The following RAD17 variants were observed in gnomAD, a reference collection of about 807,000 sequenced individuals.
The protein encoded by RAD17 is cell cycle checkpoint protein RAD17.
RAD17 carries 31 observed loss-of-function variants against 81.5 expected under a neutral mutation model. The observed-to-expected ratio is 0.38, with a 90% confidence interval of 0.29 to 0.51. The LOEUF (loss-of-function observed/expected upper bound fraction) is 0.51. Among genes scored for constraint, RAD17 ranks in the 20% least tolerant of loss-of-function variants. The pLI, the probability that RAD17 is intolerant of heterozygous loss-of-function variation, is 0.88. For synonymous variants in RAD17, 261 were observed against 266.2 expected, an observed-to-expected ratio of 0.98 and a Z score of 0.19; for missense variants, 681 against 781.2, an observed-to-expected ratio of 0.87 and a Z score of 1.53.
chr5:69,408,183 CAG>C (rs1765747684), intron 17 of RAD17, among the ~76,000 whole-genome samples: 1 of 150,880 alleles, frequency 6.6e-6, no homozygotes, highest in Non-Finnish European at 1.5e-5. Context: ...TGTTTCTTTA[CAG>C]TCATAATTTT....
In RAD17 at chr5:69,371,446, C is replaced by A. The variant is rs531345124; in HGVS notation, c.-279-8C>A. 7.1e-5 allele frequency: 37 copies of A among 521,584 alleles called. 4 individuals are homozygous for A. The highest frequency in any genetic ancestry group is 7.2e-4 in the Middle Eastern group (1 of 1,390). 32.3% of individuals were successfully genotyped at this position (521,584 alleles called of 1,614,324 possible). A position where few individuals can be genotyped will look rare whatever the true frequency, so the allele number is the denominator to read the frequency against. On this transcript the variant is annotated splice_polypyrimidine_tract_variant and splice_region_variant and intron_variant, in intron 2 of 18. Coordinates refer to ENST00000354868, the MANE Select transcript of RAD17 (RefSeq NM_133338.3). ...CATTTGAGGGCTTCTTCCCCCCCCC[C>A]CCCCCAGGTGAATTATAGTTTAATG... is the stretch of plus-strand genomic sequence containing the variant.
At chr5:69,377,952 C>T (rs558078394) in intron 6 of RAD17, among the ~76,000 whole-genome samples, 1 of 151,664 alleles carries the variant, frequency 6.6e-6, no homozygotes, top group Non-Finnish European at 1.5e-5. Context: ...GCCACCGCAT[C>T]TGGCTAATTA....
At position 69,373,945 on chromosome 5, in the gene RAD17, C is replaced by G; in HGVS notation, c.125C>G (p.Pro42Arg). 3 of 1,613,054 alleles carry G rather than the reference C, an allele frequency of 1.9e-6. No homozygotes were observed. The highest frequency in any genetic ancestry group is 1.1e-5 in the South Asian group (1 of 91,052). The change falls in exon 5 of 19, where the codon CCT becomes CGT. Residue 42 changes from proline to arginine, a missense_variant. Physicochemically the swap from Pro to Arg is moderately radical, Grantham distance 103. Transcript: ENST00000354868. ...TCAAGTCATAGAAGAAAAAATGGGCCTTCTACATTAGAAAGCAGCAGATTT... is the reference window on the plus strand; with the variant it reads ...TCAAGTCATAGAAGAAAAAATGGGCGTTCTACATTAGAAAGCAGCAGATTT... ...NNSSHRRKNG[P>R]STLESSRFPA... is the part of the protein sequence containing the mutation.
chr5:69,369,976 G>A, intron 1 of RAD17, 43 bp downstream of exon 1: 1 of 500,228 alleles, frequency 2.0e-6, no homozygotes, highest in Non-Finnish European at 3.5e-6. Context: ...ATATGTCTTA[G>A]AGACGTGAGT....
rs904856467 is a variant in RAD17 at position 69,414,532 on chromosome 5, C to T, written c.*240C>T. 4 of 573,832 alleles carry T rather than the reference C, an allele frequency of 7.0e-6. No homozygotes were observed. Among genetic ancestry groups the T allele is most frequent in the African/African-American group, 3.7e-5 (2 of 53,452 alleles). 35.5% of individuals were successfully genotyped at this position (573,832 alleles called of 1,614,324 possible). ...TTAAATCTGTGAGTGGTTTAAGGAG[C>T]GGTCAGTGTGTATAAAGTGTGTTTG... On this transcript the variant is annotated 3_prime_UTR_variant, in exon 19 of 19. Transcript: ENST00000354868.
At chr5:69,382,573 A>G (rs1301390279) in intron 7 of RAD17, among the ~76,000 whole-genome samples, 6 of 152,168 alleles carry the variant, frequency 3.9e-5, no homozygotes, top group Non-Finnish European at 8.8e-5. Flanking sequence ...TGCATTATTT[A>G]TCTGCTTTTT....
chr5:69,405,206 TAAA>T (rs1257085851), intron 17 of RAD17, among the ~76,000 whole-genome samples: 4 of 151,692 alleles, frequency 2.6e-5, no homozygotes, highest in Non-Finnish European at 4.4e-5. Context: ...GGAGGTTCCT[TAAA>T]AAACTGAAAA....
chr5:69,369,380 C>A (rs917480036), upstream of RAD17: 106 of 1,523,264 alleles, frequency 7.0e-5, no homozygotes, highest in African/African-American at 1.3e-3. Context: ...CAGTGAGGGG[C>A]CCCCACCTGG....
chr5:69,373,548 C>CA (rs556497654), intron 4 of RAD17, among the ~76,000 whole-genome samples: 114 of 151,934 alleles, frequency 7.5e-4, no homozygotes, highest in African/African-American at 2.6e-3. Context: ...ACAAAAAATA[C>CA]AAAAAAATTA....
chr5:69,404,948 A>G (rs1765498223), intron 17 of RAD17, among the ~76,000 whole-genome samples: 1 of 152,152 alleles, frequency 6.6e-6, no homozygotes, highest in Admixed American at 6.6e-5. Context: ...TCAAAAGGCA[A>G]AGGACCAGAT....
Position 69,371,459 on chromosome 5 carries a change from T to A in RAD17, c.-274T>A. The A allele has an allele frequency of 1.5e-6, 1 of 653,000 alleles. No homozygotes were observed. The highest frequency in any genetic ancestry group is 2.6e-5 in the South Asian group (1 of 37,888). 40.5% of individuals were successfully genotyped at this position (653,000 alleles called of 1,614,324 possible). A position where few individuals can be genotyped will look rare whatever the true frequency, so the allele number is the denominator to read the frequency against. ...CTTCCCCCCCCCCCCCCCAGGTGAA[T>A]TATAGTTTAATGTACTGCAAGTCCT... On this transcript the variant is annotated 5_prime_UTR_variant, in exon 3 of 19. Transcript: ENST00000354868.
At chr5:69,369,588 C>G (rs1762778466), upstream of RAD17, 1 of 1,599,828 alleles carries the variant, frequency 6.3e-7, no homozygotes, top group Non-Finnish European at 8.5e-7. Context: ...CCCACGGCCC[C>G]AAAGGCCCCG....
At chr5:69,412,150 GT>G (rs1766049449) in intron 18 of RAD17, among the ~76,000 whole-genome samples, 1 of 152,000 alleles carries the variant, frequency 6.6e-6, no homozygotes, top group South Asian at 2.1e-4. Flanking sequence ...TAGAGACAGG[GT>G]TTCACTGTGT....
chr5:69,408,096 GTTAAAT>G (rs1488604970), intron 17 of RAD17, among the ~76,000 whole-genome samples: 1 of 152,014 alleles, frequency 6.6e-6, no homozygotes, highest in African/African-American at 2.4e-5. Flanking sequence ...GTCTTTTTCT[GTTAAAT>G]TTAATGTGTG....
At chr5:69,374,890 C>G (rs1763242154) in intron 6 of RAD17, among the ~76,000 whole-genome samples, 179 bp downstream of exon 6, 1 of 152,158 alleles carries the variant, frequency 6.6e-6, no homozygotes, top group South Asian at 2.1e-4. Flanking sequence ...CTTTGGGAGG[C>G]CAAGGCAGGA....
At chr5:69,385,515 T>C (rs1764158208) in intron 8 of RAD17, among the ~76,000 whole-genome samples, 1 of 151,266 alleles carries the variant, frequency 6.6e-6, no homozygotes, top group East Asian at 2.0e-4. Flanking sequence ...AAGGTAATCC[T>C]CCCGCCTTGG....
At chr5:69,413,626 C>T (rs1766169789) in intron 18 of RAD17, among the ~76,000 whole-genome samples, 1 of 152,108 alleles carries the variant, frequency 6.6e-6, no homozygotes, top group Non-Finnish European at 1.5e-5. Context: ...CTTCTGCCTC[C>T]TGGGTTCAAA....
In RAD17 at chr5:69,393,373, A is replaced by G; in HGVS notation, c.1295A>G (p.His432Arg). 6.3e-7 allele frequency: 1 copy of G among 1,593,504 alleles called. No individual in the cohort carries two copies. Among genetic ancestry groups the G allele is most frequent in the Non-Finnish European group, 8.5e-7 (1 of 1,170,442 alleles). Residue 432 changes from histidine (H) to arginine (R), a missense_variant, in exon 15 of 19, where the codon CAC becomes CGC. His to Arg is a conservative substitution (Grantham distance 29). Coordinates refer to ENST00000354868, the MANE Select transcript of RAD17 (RefSeq NM_133338.3). ...TTATAGGAGGTAGTAGAAATGTCAC[A>G]CATGCCTGGAGACTTATTTAATTTA... The part of the protein sequence containing the change: ...VEPEEVVEMS[H>R]MPGDLFNLYL...
intron 6 of RAD17, among the ~76,000 whole-genome samples, chr5:69,377,457 A>ACATG (rs1763435529): frequency 1.0e-4 from 1 of 9,794 alleles, no homozygotes; most frequent in Non-Finnish European, 3.5e-4. Flanking sequence ...ATATATATAT[A>ACATG]TATATATATA....
Sources: allele counts gnomAD v4.1 joint callset (sites outside exome capture counted in the v4.1 genomes callset), GRCh38; gene constraint gnomAD v4.1.1; transcripts MANE v1.5; gene names NCBI Gene and HGNC (gene_info 2026-07-23, HGNC 2026-07-21).